Variants in SUGCT observed in about 807,000 individuals in gnomAD.
SUGCT encodes the protein succinyl-CoA:glutarate CoA-transferase.
A neutral mutation model predicts 55.0 loss-of-function variants in SUGCT; 41 were observed. That is an observed-to-expected ratio of 0.74 (90% CI 0.58 to 0.97). The LOEUF is 0.97. SUGCT is among the 50% of genes least tolerant of loss of function. SUGCT has a pLI of 0.00. For missense variants in SUGCT, 568 were observed against 547.8 expected (o/e 1.04, Z -0.37); for synonymous variants, 187 against 200.4 (o/e 0.93, Z 0.56).
intron 12 of SUGCT, among the ~76,000 whole-genome samples, chr7:40,518,715 T>A (rs1793377945): frequency 6.6e-6 from 1 of 151,958 alleles, no homozygotes; most frequent in Non-Finnish European, 1.5e-5. Context: ...GATTCCAGGG[T>A]GGGTACAGGA....
At chr7:40,424,126 A>G (rs1323900202) in intron 9 of SUGCT, among the ~76,000 whole-genome samples, 1 of 152,118 alleles carries the variant, frequency 6.6e-6, no homozygotes, top group East Asian at 1.9e-4. Context: ...TAGTTCCTCA[A>G]ATGTTAAAAA....
intron 12 of SUGCT, among the ~76,000 whole-genome samples, chr7:40,649,967 G>A (rs1288971057): frequency 6.6e-6 from 1 of 152,206 alleles, no homozygotes; most frequent in East Asian, 1.9e-4. Flanking sequence ...ACCTGAGCAT[G>A]GCTTAGTTGG....
the SUGCT span, among the ~76,000 whole-genome samples, chr7:40,953,242 A>G: frequency 1.3e-5 from 2 of 152,166 alleles, no homozygotes; most frequent in African/African-American, 4.8e-5. Flanking sequence ...AGTTGATCGA[A>G]TCGGCTACTG....
At chr7:40,213,763 T>G (rs1787472924) in intron 6 of SUGCT, among the ~76,000 whole-genome samples, 1 of 152,212 alleles carries the variant, frequency 6.6e-6, no homozygotes, top group African/African-American at 2.4e-5. Flanking sequence ...GTTTTATTCT[T>G]CAAGTTGTAG....
intron 6 of SUGCT, among the ~76,000 whole-genome samples, chr7:40,214,382 T>C (rs1232223590): frequency 6.6e-6 from 1 of 152,188 alleles, no homozygotes. Context: ...ATAATATTTA[T>C]AATATATTAC....
At chr7:40,355,474 T>C (rs1042138952) in intron 9 of SUGCT, among the ~76,000 whole-genome samples, 3 of 152,202 alleles carry the variant, frequency 2.0e-5, no homozygotes, top group African/African-American at 7.2e-5. Context: ...TGTTCCCTTT[T>C]ACAACCAACC....
chr7:40,555,714 A>G (rs953026270), intron 12 of SUGCT, among the ~76,000 whole-genome samples: 1 of 151,378 alleles, frequency 6.6e-6, no homozygotes, highest in Non-Finnish European at 1.5e-5. Flanking sequence ...CCAATATTCC[A>G]GTATTCTAAC....
chr7:40,538,292 C>G (rs1794480450), intron 12 of SUGCT: 1 of 152,010 alleles, frequency 6.6e-6, no homozygotes, highest in Admixed American at 6.6e-5. Context: ...GATTTTGAAA[C>G]TATGTTAGAG....
intron 9 of SUGCT, among the ~76,000 whole-genome samples, chr7:40,403,677 C>T (rs1046740729): frequency 6.6e-6 from 1 of 152,174 alleles, no homozygotes; most frequent in African/African-American, 2.4e-5. Flanking sequence ...CTTTGAGTTT[C>T]TGAGGCTGCC....
In SUGCT at chr7:40,573,904, T is replaced by A. The variant is rs574875030; in HGVS notation, c.1089+77518T>A. On this transcript the variant is annotated intron_variant, in intron 12 of 13. Coordinates refer to ENST00000335693, the MANE Select transcript of SUGCT (RefSeq NM_001193313.2). ...TTCATGTTTCTTACTTTCTCCATTT[T>A]CTTCTGCTTAAAACTGCCTGTTTTA... is the stretch of plus-strand genomic sequence containing the variant. Among the ~76,000 whole-genome samples, 437 of 152,356 alleles carry A rather than the reference T, an allele frequency of 2.9e-3. 4 individuals are homozygous for A. Among genetic ancestry groups the A allele is most frequent in the African/African-American group, 9.8e-3 (407 of 41,586 alleles).
chr7:40,660,368 C>T (rs369907213), intron 12 of SUGCT, among the ~76,000 whole-genome samples: 23 of 152,110 alleles, frequency 1.5e-4, no homozygotes, highest in African/African-American at 5.3e-4. Flanking sequence ...AAGCAATTCT[C>T]CTGCCTCAGC....
At chr7:40,588,335 T>G (rs1419456545) in intron 12 of SUGCT, among the ~76,000 whole-genome samples, 1 of 152,036 alleles carries the variant, frequency 6.6e-6, no homozygotes, top group Non-Finnish European at 1.5e-5. Context: ...GCATGCGAAA[T>G]AAACTTCCTG....
intron 6 of SUGCT, chr7:40,217,358 G>A (rs182748040): frequency 5.4e-4 from 220 of 407,386 alleles, no homozygotes; most frequent in African/African-American, 3.6e-3. Flanking sequence ...CTACAGGCTC[G>A]TGCCACTACA....
chr7:40,979,232 C>T, the SUGCT span: 1 of 152,218 alleles, frequency 6.6e-6, no homozygotes, highest in South Asian at 2.1e-4. Flanking sequence ...CCTTGGGACA[C>T]TTTCCTACTC....
At chr7:41,034,654 G>A in the SUGCT span, among the ~76,000 whole-genome samples, 9 of 152,202 alleles carry the variant, frequency 5.9e-5, no homozygotes, top group African/African-American at 1.4e-4. Context: ...TGTGTTTGGA[G>A]CTTAAACTGG....
intron 12 of SUGCT, among the ~76,000 whole-genome samples, chr7:40,709,331 A>G (rs1336223420): frequency 6.6e-6 from 1 of 152,242 alleles, no homozygotes; most frequent in African/African-American, 2.4e-5. Flanking sequence ...GTCTTAGCCT[A>G]TTTCCCTAGA....
At chr7:40,456,493 C>G (rs1321457011) in intron 10 of SUGCT, among the ~76,000 whole-genome samples, 1 of 152,050 alleles carries the variant, frequency 6.6e-6, no homozygotes, top group Non-Finnish European at 1.5e-5. Flanking sequence ...ATTTAAAATA[C>G]TTTGACTTTG....
intron 7 of SUGCT, among the ~76,000 whole-genome samples, chr7:40,248,886 T>TTGCACA (rs1554296235): frequency 9.0e-6 from 1 of 111,046 alleles, no homozygotes; most frequent in African/African-American, 3.6e-5. Flanking sequence ...GCGCGCGCGC[T>TTGCACA]CGCACACACA....
chr7:40,847,767 G>T (rs1390934996), intron 13 of SUGCT, among the ~76,000 whole-genome samples: 1 of 151,914 alleles, frequency 6.6e-6, no homozygotes, highest in African/African-American at 2.4e-5. Flanking sequence ...ACCCAACCCC[G>T]AAGGGACAAG....
Sources: allele counts gnomAD v4.1 joint callset (sites outside exome capture counted in the v4.1 genomes callset), GRCh38; gene constraint gnomAD v4.1.1; transcripts MANE v1.5; gene names NCBI Gene and HGNC (gene_info 2026-07-23, HGNC 2026-07-21).